The following CRTAM variants were observed in gnomAD, a reference collection of about 807,000 sequenced individuals.
CRTAM encodes cytotoxic and regulatory T cell molecule.
A neutral mutation model predicts 50.0 loss-of-function variants in CRTAM; 44 were observed. That is an observed-to-expected ratio of 0.88 (90% CI 0.69 to 1.13). The LOEUF is 1.13. Ranked by LOEUF, CRTAM falls within the 50% of genes most tolerant of loss-of-function variation. The pLI, the probability that CRTAM is intolerant of heterozygous loss-of-function variation, is 0.00. For missense variants in CRTAM, 448 were observed against 457.5 expected, an observed-to-expected ratio of 0.98 and a Z score of 0.19; for synonymous variants, 159 against 169.3, an observed-to-expected ratio of 0.94 and a Z score of 0.47.
At chr11:122,858,529 T>A (rs1384934442) in intron 5 of CRTAM, among the ~76,000 whole-genome samples, 2 of 151,878 alleles carry the variant, frequency 1.3e-5, no homozygotes, top group African/African-American at 4.8e-5. Flanking sequence ...CACACCTGGC[T>A]CTTTTTGTTG....
chr11:122,851,855 T>A lies in CRTAM; in HGVS notation c.346+10T>A, dbSNP rs1861934648. ...AAAGTGATTGTGCTGGGTAGGTACC[T>A]GCAAGTGAACCCAGTAGGGGAGCAA... On this transcript the variant is annotated intron_variant, in intron 3 of 9. Transcript: ENST00000227348. 1 of 1,613,232 alleles carries A rather than the reference T, an allele frequency of 6.2e-7. No homozygotes were observed. Among genetic ancestry groups the A allele is most frequent in the African/African-American group, 1.3e-5 (1 of 75,032 alleles).
At chr11:122,843,684 AG>A (rs1457224327) in intron 1 of CRTAM, among the ~76,000 whole-genome samples, 1 of 152,214 alleles carries the variant, frequency 6.6e-6, no homozygotes, top group Non-Finnish European at 1.5e-5. Context: ...CTGACAACAA[AG>A]GTGAAAGTCT....
chr11:122,851,890 G>C, intron 3 of CRTAM, 45 bp downstream of exon 3: 1 of 1,577,606 alleles, frequency 6.3e-7, no homozygotes, highest in Non-Finnish European at 8.7e-7. Flanking sequence ...ATATGGATAG[G>C]AACACGATAT....
chr11:122,851,790 G>A lies in CRTAM; in HGVS notation c.291G>A (p.Lys97=), dbSNP rs1212118544. 3.7e-6 allele frequency: 6 copies of A among 1,614,176 alleles called. No homozygotes were observed. In the South Asian group the frequency reaches 5.5e-5, roughly 15 times the overall value. The part of the protein sequence containing the change: ...NVTLQDEGVY[K]CLHYSDSVST... ...CCCTGCAAGATGAAGGCGTGTACAA[G>A]TGCTTACATTACAGCGACTCTGTAA... The change falls in exon 3 of 10, where the codon AAG becomes AAA. Residue 97 remains lysine, a synonymous_variant. Coordinates refer to ENST00000227348, the MANE Select transcript of CRTAM (RefSeq NM_019604.4).
Position 122,850,220 on chromosome 11 carries a change from TGAAA to T in CRTAM, c.193+19_193+22del, listed in dbSNP as rs756718145. On this transcript the variant is annotated splice_region_variant and intron_variant, in intron 2 of 9. Coordinates refer to ENST00000227348, the MANE Select transcript of CRTAM (RefSeq NM_019604.4). Reference sequence around the variant, plus strand: ...TTTTTTAAATGAGTATCCTGGTAAGTGAAAGAAAGAAAGAAAAAATGCCACCAGA... The same window carrying T: ...TTTTTTAAATGAGTATCCTGGTAAGTGAAAGAAAGAAAAAATGCCACCAGA... 4.1e-5 allele frequency: 65 copies of T among 1,584,412 alleles called. No individual in the cohort carries two copies. The highest frequency in any genetic ancestry group is 3.4e-4 in the Middle Eastern group (2 of 5,920).
At chr11:122,843,416 C>A (rs571176659) in intron 1 of CRTAM, among the ~76,000 whole-genome samples, 11 of 152,272 alleles carry the variant, frequency 7.2e-5, no homozygotes, top group African/African-American at 2.4e-4. Context: ...CTGTAAACAT[C>A]ACCTACCGTA....
chr11:122,861,424 T>G (rs866240208), intron 5 of CRTAM, among the ~76,000 whole-genome samples: 2 of 37,800 alleles, frequency 5.3e-5, no homozygotes, highest in Admixed American at 3.0e-4. Context: ...ATATATATTT[T>G]TTTTTTTTTT....
chr11:122,857,753 A>C (rs956371766), intron 5 of CRTAM, among the ~76,000 whole-genome samples: 1 of 152,220 alleles, frequency 6.6e-6, no homozygotes, highest in Non-Finnish European at 1.5e-5. Flanking sequence ...TGTGCTCTGC[A>C]TGGAAGGACC....
Position 122,859,371 on chromosome 11 carries a change from A to G in CRTAM, c.653-3093A>G, listed in dbSNP as rs554702977. ...GGTGATCCACCTGCCTCGGCCTCCCAAAGTGCTGGTATTACAGGCGTGAGC... is the reference window on the plus strand; with the variant it reads ...GGTGATCCACCTGCCTCGGCCTCCCGAAGTGCTGGTATTACAGGCGTGAGC... On this transcript the variant is annotated intron_variant, in intron 5 of 9. Coordinates refer to ENST00000227348, the MANE Select transcript of CRTAM (RefSeq NM_019604.4). Among the ~76,000 whole-genome samples, 78 of 152,268 alleles carry G rather than the reference A, an allele frequency of 5.1e-4. 1 individual carries two copies. The highest frequency in any genetic ancestry group is 1.9e-3 in the African/African-American group (77 of 41,562).
intron 1 of CRTAM, among the ~76,000 whole-genome samples, chr11:122,847,784 C>G (rs867294177): frequency 1.3e-5 from 2 of 152,198 alleles, no homozygotes; most frequent in Non-Finnish European, 2.9e-5. Flanking sequence ...AAGTGGTGAA[C>G]AAATGATAAT....
At chr11:122,867,351 T>C (rs1862189929) in intron 7 of CRTAM, 58 bp from the exon 8 acceptor site, 2 of 1,158,478 alleles carry the variant, frequency 1.7e-6, no homozygotes, top group Non-Finnish European at 2.3e-6. Context: ...TATTCTCCAG[T>C]GGCAAAAAAA....
At chr11:122,853,824 G>T in intron 3 of CRTAM, 119 bp from the exon 4 acceptor site, 2 of 835,692 alleles carry the variant, frequency 2.4e-6, no homozygotes, top group Non-Finnish European at 3.4e-6. Context: ...AAAAAAAAAA[G>T]AAAGCCCATT....
chr11:122,845,325 T>G (rs1473108680), intron 1 of CRTAM, among the ~76,000 whole-genome samples: 2 of 152,136 alleles, frequency 1.3e-5, no homozygotes. Context: ...AAAGAGAGAT[T>G]TCAACGAGGT....
chr11:122,855,798 C>A lies in CRTAM; in HGVS notation c.594C>A (p.Ile198=), dbSNP rs371183140. 6.2e-7 allele frequency: 1 copy of A among 1,614,080 alleles called. No individual in the cohort carries two copies. Among genetic ancestry groups the A allele is most frequent in the South Asian group, 1.1e-5 (1 of 91,082 alleles). The change falls in exon 5 of 10, where the codon ATC becomes ATA. Residue 198 remains isoleucine (I), a synonymous_variant. Transcript: ENST00000227348. ...AAAATTCAACGGTGGACTGCATTAT[C>A]CGACACAGAGGCCTGCAAGGGAGAA... is the stretch of plus-strand genomic sequence containing the variant. ...YGKNSTVDCI[I]RHRGLQGRKL... is the part of the protein sequence containing the mutation.
chr11:122,846,830 A>C (rs748042862), intron 1 of CRTAM, among the ~76,000 whole-genome samples: 1 of 152,090 alleles, frequency 6.6e-6, no homozygotes, highest in Non-Finnish European at 1.5e-5. Context: ...CTTCTTCCTT[A>C]ATGTCTACTA....
chr11:122,840,925 T>TA (rs1287924487), intron 1 of CRTAM, among the ~76,000 whole-genome samples: 1 of 152,196 alleles, frequency 6.6e-6, no homozygotes, highest in Non-Finnish European at 1.5e-5. Flanking sequence ...TTCATCCCAT[T>TA]AAATTACACT....
intron 1 of CRTAM, among the ~76,000 whole-genome samples, chr11:122,841,287 T>A (rs964514011): frequency 6.6e-6 from 1 of 152,232 alleles, no homozygotes; most frequent in Non-Finnish European, 1.5e-5. Context: ...TGAGAATTAA[T>A]GCATTGCATG....
At position 122,850,241 on chromosome 11, in the gene CRTAM, G is replaced by A. The variant is rs1345066352; in HGVS notation, c.193+27G>A. The A allele has an allele frequency of 3.2e-6, 5 of 1,576,462 alleles. No homozygotes were observed. In the East Asian group the frequency reaches 1.1e-4, roughly 36 times the overall value. On this transcript the variant is annotated intron_variant, in intron 2 of 9. Coordinates refer to ENST00000227348, the MANE Select transcript of CRTAM (RefSeq NM_019604.4). ...TAAGTGAAAGAAAGAAAGAAAAAAT[G>A]CCACCAGACCTTAACCTGAGGGTTT...
intron 1 of CRTAM, among the ~76,000 whole-genome samples, chr11:122,849,310 G>C (rs1174198150): frequency 6.6e-6 from 1 of 152,172 alleles, no homozygotes; most frequent in South Asian, 2.1e-4. Context: ...ACATAAACAC[G>C]GCCTTTGCCA....
Sources: allele counts gnomAD v4.1 joint callset (sites outside exome capture counted in the v4.1 genomes callset), GRCh38; gene constraint gnomAD v4.1.1; transcripts MANE v1.5; gene names NCBI Gene and HGNC (gene_info 2026-07-23, HGNC 2026-07-21).